THSD7A: variants seen among roughly 807,000 people sequenced by gnomAD.
THSD7A encodes thrombospondin type-1 domain-containing protein 7A.
Under a neutral mutation model 231.3 loss-of-function variants are expected in THSD7A, and 96 were observed. That is an observed-to-expected ratio of 0.41 (90% confidence interval 0.35 to 0.49). The LOEUF (loss-of-function observed/expected upper bound fraction) is 0.49, where lower values mean the gene tolerates loss of function less well. Among genes scored for constraint, THSD7A ranks in the 20% least tolerant of loss-of-function variants. THSD7A has a pLI of 0.05. For missense variants in THSD7A, 2,290 were observed against 2,070.2 expected (o/e 1.11, Z -2.06); for synonymous variants, 940 against 743.3 (o/e 1.26, Z -4.30).
rs145165095 is a variant in THSD7A at position 11,582,114 on chromosome 7, G to T, written c.1453+8346C>A. ...CTTTATTTGGTATTAGATAGTCCGT[G>T]TAAAAAAATCGGTATTTTTTTCTTA... On this transcript the variant is annotated intron_variant, in intron 4 of 27. Transcript: ENST00000423059. 1.5e-3 allele frequency among the ~76,000 whole-genome samples: 232 copies of T among 151,886 alleles called. 3 individuals carry two copies. In the East Asian group the frequency reaches 0.037, roughly 24 times the overall value.
chr7:11,485,044 C>G (rs1391340741), intron 6 of THSD7A, among the ~76,000 whole-genome samples: 1 of 151,652 alleles, frequency 6.6e-6, no homozygotes, highest in Non-Finnish European at 1.5e-5. Context: ...GCATGCACCA[C>G]CATGCCCGGC....
chr7:11,471,269 T>C (rs1359732835), intron 8 of THSD7A, among the ~76,000 whole-genome samples: 1 of 152,014 alleles, frequency 6.6e-6, no homozygotes, highest in Non-Finnish European at 1.5e-5. Flanking sequence ...AGTATAGTTC[T>C]TGCTAAAATA....
chr7:11,649,444 G>T (rs763788997), intron 1 of THSD7A, among the ~76,000 whole-genome samples: 2 of 151,992 alleles, frequency 1.3e-5, no homozygotes, highest in Non-Finnish European at 2.9e-5. Flanking sequence ...ATTTTATGCA[G>T]CAATAGATAA....
chr7:11,508,298 A>G (rs1261386804), intron 6 of THSD7A, among the ~76,000 whole-genome samples: 1 of 152,216 alleles, frequency 6.6e-6, no homozygotes, highest in African/African-American at 2.4e-5. Flanking sequence ...AAATACAGCG[A>G]GCCAACAAGT....
chr7:11,710,086 T>C (rs770286363), intron 1 of THSD7A, among the ~76,000 whole-genome samples: 7 of 150,724 alleles, frequency 4.6e-5, no homozygotes, highest in Non-Finnish European at 1.0e-4. Context: ...ATAGAATAAA[T>C]GCTATTTTTT....
intron 22 of THSD7A, among the ~76,000 whole-genome samples, chr7:11,403,604 T>C (rs958570580): frequency 6.6e-6 from 1 of 152,178 alleles, no homozygotes; most frequent in Admixed American, 6.5e-5. Context: ...TGATTGAAAA[T>C]TACATGGAAA....
chr7:11,665,478 T>C (rs1191069076), intron 1 of THSD7A, among the ~76,000 whole-genome samples: 1 of 152,104 alleles, frequency 6.6e-6, no homozygotes, highest in East Asian at 1.9e-4. Flanking sequence ...TCCATCTGCC[T>C]GCCACATACA....
chr7:11,809,733 G>A (rs1468633354), intron 1 of THSD7A, among the ~76,000 whole-genome samples: 5 of 152,128 alleles, frequency 3.3e-5, no homozygotes, highest in Non-Finnish European at 7.4e-5. Context: ...TTAATTTCTA[G>A]GCCTAACGTA....
At position 11,430,361 on chromosome 7, in the gene THSD7A, T is replaced by G. The variant is rs181299356; in HGVS notation, c.3065-1236A>C. Among the ~76,000 whole-genome samples the G allele has an allele frequency of 3.2e-3, 489 of 152,292 alleles. 2 individuals carry two copies. The highest frequency in any genetic ancestry group is 6.8e-3 in the Middle Eastern group (2 of 294). On this transcript the variant is annotated intron_variant, in intron 13 of 27. Transcript: ENST00000423059. Reference sequence around the variant, plus strand: ...TGGTTACTGGCAGCCACTTCCTACTTTCCCCTTCCTCATCCCCTGACAACC... The same window carrying G: ...TGGTTACTGGCAGCCACTTCCTACTGTCCCCTTCCTCATCCCCTGACAACC...
intron 1 of THSD7A, among the ~76,000 whole-genome samples, chr7:11,648,795 C>T (rs1423155553): frequency 6.6e-6 from 1 of 151,920 alleles, no homozygotes; most frequent in Admixed American, 6.6e-5. Context: ...CTCCTCATAG[C>T]CATTTTATCT....
intron 13 of THSD7A, among the ~76,000 whole-genome samples, chr7:11,436,659 T>C (rs1006742417): frequency 2.6e-5 from 4 of 151,920 alleles, no homozygotes; most frequent in African/African-American, 9.6e-5. Context: ...ACATTCGGAA[T>C]TTAAGATTTT....
chr7:11,751,008 A>G (rs996748687), intron 1 of THSD7A: 1 of 152,030 alleles, frequency 6.6e-6, no homozygotes, highest in African/African-American at 2.4e-5. Flanking sequence ...GCGGGTCTGC[A>G]TCCCACCACA....
intron 26 of THSD7A, chr7:11,378,855 A>G (rs1466395526): frequency 5.5e-6 from 3 of 544,844 alleles, no homozygotes; most frequent in Non-Finnish European, 6.4e-6. Flanking sequence ...ATTTTTTCTC[A>G]GAAGAATGTA....
At chr7:11,426,581 C>A in intron 15 of THSD7A, 85 bp downstream of exon 15, 3 of 1,363,898 alleles carry the variant, frequency 2.2e-6, no homozygotes, top group Admixed American at 2.6e-5. Context: ...AAAGACAAAG[C>A]AAGAAGAGAA....
rs574478533 is a variant in THSD7A, at chr7:11,612,395, G to A, written c.1023-18893C>T. Among the ~76,000 whole-genome samples the A allele has an allele frequency of 7.3e-4, 111 of 152,288 alleles. 1 individual carries two copies. The highest frequency in any genetic ancestry group is 2.5e-3 in the African/African-American group (102 of 41,566). ...AATAAAGAATGCAGAAACAGTTCTC[G>A]TCAAAGAAGTCATGTCACACATCCT... On this transcript the variant is annotated intron_variant, in intron 2 of 27. Transcript: ENST00000423059.
chr7:11,443,522 C>A (rs1460692201), intron 13 of THSD7A, among the ~76,000 whole-genome samples: 1 of 151,956 alleles, frequency 6.6e-6, no homozygotes, highest in East Asian at 1.9e-4. Context: ...TAATCTTCAA[C>A]TCAGCAATGC....
intron 16 of THSD7A, among the ~76,000 whole-genome samples, chr7:11,424,263 G>T (rs1017773489): frequency 3.9e-5 from 6 of 152,130 alleles, no homozygotes; most frequent in Admixed American, 2.0e-4. Flanking sequence ...AAGAACAAGT[G>T]ACACGCAGGA....
intron 1 of THSD7A, among the ~76,000 whole-genome samples, chr7:11,743,484 T>A (rs1201440499): frequency 6.6e-6 from 1 of 151,930 alleles, no homozygotes; most frequent in Non-Finnish European, 1.5e-5. Flanking sequence ...GAAAAAATAT[T>A]CCCCTCTTTT....
chr7:11,637,143 A>G lies in THSD7A; in HGVS notation c.191-182T>C, dbSNP rs952890646. On this transcript the variant is annotated intron_variant, in intron 1 of 27. Coordinates refer to ENST00000423059, the MANE Select transcript of THSD7A (RefSeq NM_015204.3). The surrounding 1 kb of genome is among the most constrained non-coding windows in gnomAD (Gnocchi z 4.2). ...CGCTAAGTATTTTTGCAAAAGGGGAACTGTGTCACAGAGTCTATATAAGGT... is the reference window on the plus strand; with the variant it reads ...CGCTAAGTATTTTTGCAAAAGGGGAGCTGTGTCACAGAGTCTATATAAGGT... Among the ~76,000 whole-genome samples the G allele has an allele frequency of 3.3e-5, 5 of 152,188 alleles. No individual in the cohort carries two copies. The highest frequency in any genetic ancestry group is 4.8e-5 in the African/African-American group (2 of 41,438).
Sources: gnomAD v4.1 joint callset for allele counts (sites outside exome capture counted in the v4.1 genomes callset) on GRCh38, gnomAD v4.1.1 for gene constraint, Gnocchi (gnomAD v3.1) non-coding constraint, MANE v1.5 for transcripts, NCBI Gene and HGNC (gene_info 2026-07-23, HGNC 2026-07-21) for gene names.